The following OXCT1 variants were observed in gnomAD, a reference collection of about 807,000 sequenced individuals.
OXCT1 encodes the protein succinyl-CoA:3-ketoacid coenzyme A transferase 1, mitochondrial.
A neutral mutation model predicts 69.6 loss-of-function variants in OXCT1; 27 were observed. The observed-to-expected ratio is 0.39, with a 90% CI of 0.29 to 0.54. The LOEUF is 0.54. OXCT1 is among the 20% of genes least tolerant of loss of function. The pLI, the probability that OXCT1 is intolerant of heterozygous loss-of-function variation, is 0.72. For missense variants in OXCT1, 437 were observed against 650.2 expected, an observed-to-expected ratio of 0.67 and a Z score of 3.57; for synonymous variants, 202 against 217.8, an observed-to-expected ratio of 0.93 and a Z score of 0.64.
chr5:41,853,317 T>G (rs1749271088), intron 4 of OXCT1, 102 bp downstream of exon 4: 1 of 1,022,804 alleles, frequency 9.8e-7, no homozygotes, highest in Non-Finnish European at 1.5e-6. Context: ...GGCAAAGTAC[T>G]ATTCCTTCTG....
Position 41,731,273 on chromosome 5 carries a change from G to A in OXCT1, c.*456C>T. 1 of 527,260 alleles carries A rather than the reference G, an allele frequency of 1.9e-6. No individual in the cohort carries two copies. Among genetic ancestry groups the A allele is most frequent in the Non-Finnish European group, 2.5e-6 (1 of 405,806 alleles). The allele number at this position is 527,260 out of a possible 1,614,324, so 32.7% of individuals were successfully genotyped here. A position where few individuals can be genotyped will look rare whatever the true frequency, so the allele number is the denominator to read the frequency against. ...ACAAGATGTAATCATAAAATCTGAA[G>A]CCCCAAAAGAAAAGTCAGAGGAGGC... On this transcript the variant is annotated 3_prime_UTR_variant, in exon 17 of 17. Transcript: ENST00000196371.
chr5:41,859,997 T>A (rs892014901), intron 3 of OXCT1, among the ~76,000 whole-genome samples: 1 of 151,006 alleles, frequency 6.6e-6, no homozygotes, highest in African/African-American at 2.4e-5. Context: ...CTATTCTGCA[T>A]CAAGAATTTT....
intron 13 of OXCT1, among the ~76,000 whole-genome samples, chr5:41,769,577 A>T (rs967495265): frequency 6.6e-6 from 1 of 151,430 alleles, no homozygotes; most frequent in African/African-American, 2.4e-5. Flanking sequence ...AAAAAAAAAA[A>T]AAGTCACTAG....
chr5:41,859,868 T>TATATATATATATATATGTA (rs1749639117), intron 3 of OXCT1, among the ~76,000 whole-genome samples: 1 of 114,710 alleles, frequency 8.7e-6, no homozygotes, highest in Non-Finnish European at 1.9e-5. Context: ...TATAGTAATA[T>TATATATATATATATATGTA]ATATATATAT....
intron 3 of OXCT1, among the ~76,000 whole-genome samples, chr5:41,860,079 T>C (rs1256327527): frequency 6.6e-6 from 1 of 151,758 alleles, no homozygotes; most frequent in Non-Finnish European, 1.5e-5. Context: ...ATCAAAAGTA[T>C]GTATAATCAA....
intron 7 of OXCT1, among the ~76,000 whole-genome samples, chr5:41,833,020 C>T (rs1241154329): frequency 1.3e-5 from 2 of 151,790 alleles, no homozygotes; most frequent in Non-Finnish European, 2.9e-5. Context: ...AAAATAGCCT[C>T]GAAAGGGCCA....
rs139167430 is a variant in OXCT1 at position 41,752,015 on chromosome 5, C to G, written c.1339-2408G>C. On this transcript the variant is annotated intron_variant, in intron 14 of 16. Coordinates refer to ENST00000196371, the MANE Select transcript of OXCT1 (RefSeq NM_000436.4). ...TATGACTAGCTCCCATGTTAGCACT[C>G]TATTCTAAATATGCTGGGCTGAGCC... Among the ~76,000 whole-genome samples the G allele has an allele frequency of 2.0e-5, 3 of 152,248 alleles. No homozygotes were observed. The East Asian group carries it at 5.8e-4, about 29-fold the overall frequency.
At chr5:41,853,333 C>T (rs1040185553) in intron 4 of OXCT1, 86 bp downstream of exon 4, 2 of 1,242,112 alleles carry the variant, frequency 1.6e-6, no homozygotes, top group Admixed American at 3.5e-5. Context: ...TTCTGCCTTA[C>T]CTCTTTTGCA....
intron 16 of OXCT1, 26 bp downstream of exon 16, chr5:41,739,364 C>A: frequency 7.2e-7 from 1 of 1,390,178 alleles, no homozygotes; most frequent in South Asian, 1.2e-5. Context: ...AGACAAGTGT[C>A]TGGATTTGTT....
chr5:41,774,551 G>C (rs1367465783), intron 13 of OXCT1, among the ~76,000 whole-genome samples: 2 of 152,196 alleles, frequency 1.3e-5, no homozygotes, highest in Admixed American at 1.3e-4. Flanking sequence ...GGGTAGACCA[G>C]CAAACCTGAA....
chr5:41,859,958 A>G (rs189542496), intron 3 of OXCT1, among the ~76,000 whole-genome samples: 1 of 149,644 alleles, frequency 6.7e-6, no homozygotes, highest in Non-Finnish European at 1.5e-5. Context: ...ATGTATAATC[A>G]GATTTCTCAG....
At position 41,749,457 on chromosome 5, in the gene OXCT1, T is replaced by C. The variant is rs574859952; in HGVS notation, c.1419+70A>G. The C allele has an allele frequency of 1.0e-4, 91 of 910,180 alleles. 2 individuals are homozygous for C. The South Asian group carries it at 1.2e-3, about 12-fold the overall frequency. The allele number at this position is 910,180 out of a possible 1,614,324, so 56.4% of individuals were successfully genotyped here. A position where few individuals can be genotyped will look rare whatever the true frequency, so the allele number is the denominator to read the frequency against. ...CTATGACTACTGGTGTAATACACTCTTAGAAGGTAACAAAACTTTCTAAAA... is the reference window on the plus strand; with the variant it reads ...CTATGACTACTGGTGTAATACACTCCTAGAAGGTAACAAAACTTTCTAAAA... On this transcript the variant is annotated intron_variant, in intron 15 of 16. Coordinates refer to ENST00000196371, the MANE Select transcript of OXCT1 (RefSeq NM_000436.4).
chr5:41,731,724 A>G lies in OXCT1; in HGVS notation c.*5T>C, dbSNP rs1310534505. 1 of 1,606,908 alleles carries G rather than the reference A, an allele frequency of 6.2e-7. No homozygotes were observed. Reference sequence around the variant, plus strand: ...AACACGCAGCCTGGTACAAATATCCATATTTCAATTTGCGATCTGCTGCAT... The same window carrying G: ...AACACGCAGCCTGGTACAAATATCCGTATTTCAATTTGCGATCTGCTGCAT... On this transcript the variant is annotated 3_prime_UTR_variant, in exon 17 of 17. Coordinates refer to ENST00000196371, the MANE Select transcript of OXCT1 (RefSeq NM_000436.4).
chr5:41,798,376 A>T (rs1463202127), intron 11 of OXCT1, among the ~76,000 whole-genome samples: 1 of 152,190 alleles, frequency 6.6e-6, no homozygotes, highest in Non-Finnish European at 1.5e-5. Flanking sequence ...TCTCCTGCTT[A>T]GCACTATTGA....
At chr5:41,840,576 T>G (rs1561120199) in intron 6 of OXCT1, 65 bp from the exon 7 acceptor site, 1 of 940,816 alleles carries the variant, frequency 1.1e-6, no homozygotes, top group African/African-American at 1.6e-5. Flanking sequence ...CTCTGTCACC[T>G]TTAAGGTTTT....
chr5:41,768,762 C>G (rs1454504666), intron 13 of OXCT1, among the ~76,000 whole-genome samples: 51 of 152,304 alleles, frequency 3.3e-4, no homozygotes, highest in Non-Finnish European at 2.9e-5. Context: ...CTTTGTCCCT[C>G]TCTGTCCAAC....
intron 15 of OXCT1, 94 bp from the exon 16 acceptor site, chr5:41,739,585 G>T: frequency 2.2e-6 from 2 of 922,154 alleles, no homozygotes; most frequent in Non-Finnish European, 1.8e-6. Flanking sequence ...GTTCGACGAG[G>T]TCGGGTGTGG....
intron 8 of OXCT1, 91 bp downstream of exon 8, chr5:41,807,240 C>T: frequency 1.3e-6 from 1 of 764,156 alleles, no homozygotes; most frequent in Non-Finnish European, 2.4e-6. Flanking sequence ...TTCTGCTCAG[C>T]TCTAGTTCCC....
chr5:41,823,809 A>T (rs1343667800), intron 7 of OXCT1, among the ~76,000 whole-genome samples: 1 of 152,124 alleles, frequency 6.6e-6, no homozygotes, highest in Non-Finnish European at 1.5e-5. Flanking sequence ...CCTCATTTTC[A>T]ATTGGGGGGA....
Sources: allele counts gnomAD v4.1 joint callset (sites outside exome capture counted in the v4.1 genomes callset), GRCh38; gene constraint gnomAD v4.1.1; transcripts MANE v1.5; gene names NCBI Gene and HGNC (gene_info 2026-07-23, HGNC 2026-07-21).